The following PALLD variants were observed in gnomAD, a reference collection of about 807,000 sequenced individuals.
The protein encoded by PALLD is palladin.
A neutral mutation model predicts 123.5 loss-of-function variants in PALLD; 61 were observed. The ratio of observed to expected loss-of-function variants is 0.49; its 90% CI spans 0.40 to 0.61. PALLD has a LOEUF of 0.61. Ranked by LOEUF, PALLD falls within the 20% of genes least tolerant of loss-of-function variation. PALLD has a pLI of 0.00. For synonymous variants in PALLD, 465 were observed against 496.4 expected, an observed-to-expected ratio of 0.94 and a Z score of 0.84; for missense variants, 1,273 against 1,377.0, an observed-to-expected ratio of 0.92 and a Z score of 1.20.
chr4:168,652,103 G>A (rs562048187), intron 2 of PALLD, among the ~76,000 whole-genome samples: 210 of 152,168 alleles, frequency 1.4e-3, no homozygotes, highest in Non-Finnish European at 2.0e-3. Context: ...GTCACATACC[G>A]CGTGACCATG....
rs1561413781 is a variant in PALLD at position 168,698,167 on chromosome 4, C to G, written c.1501+6875C>G. On this transcript the variant is annotated intron_variant, in intron 8 of 21. Transcript: ENST00000505667. ...TTACTTATTTGTGTGATCTAAAAAT[C>G]GAAACAGTAGAAGGATGGCTACCAG... Among the ~76,000 whole-genome samples the G allele has an allele frequency of 3.9e-5, 6 of 152,138 alleles. No homozygotes were observed. The South Asian group carries it at 1.2e-3, about 32-fold the overall frequency.
intron 19 of PALLD, 75 bp from the exon 20 acceptor site, chr4:168,924,870 A>G: frequency 6.9e-7 from 1 of 1,441,112 alleles, no homozygotes; most frequent in Non-Finnish European, 9.8e-7. Flanking sequence ...TAATGATCTA[A>G]TTAAAAATGA....
Position 168,816,037 on chromosome 4 carries a change from T to C in PALLD, c.1965-74885T>C, listed in dbSNP as rs72988951. 2.9e-3 allele frequency among the ~76,000 whole-genome samples: 449 copies of C among 152,326 alleles called. 1 individual carries two copies. Among genetic ancestry groups the C allele is most frequent in the African/African-American group, 0.01 (427 of 41,568 alleles). On this transcript the variant is annotated intron_variant, in intron 10 of 21. Coordinates refer to ENST00000505667, the MANE Select transcript of PALLD (RefSeq NM_001166108.2). ...CCCTTTGGAGTGTGGATGATGTGTTTATTTGACATAATGAATACCACCATC... is the reference window on the plus strand; with the variant it reads ...CCCTTTGGAGTGTGGATGATGTGTTCATTTGACATAATGAATACCACCATC...
intron 2 of PALLD, among the ~76,000 whole-genome samples, chr4:168,540,242 C>G (rs867644612): frequency 1.3e-5 from 2 of 152,190 alleles, no homozygotes; most frequent in East Asian, 3.8e-4. Flanking sequence ...CGACTACTAT[C>G]AGATTCCATC....
chr4:168,904,830 T>C (rs1757286504), intron 15 of PALLD, among the ~76,000 whole-genome samples: 1 of 152,122 alleles, frequency 6.6e-6, no homozygotes, highest in Admixed American at 6.5e-5. Flanking sequence ...TACAAACTTT[T>C]AATTAAAGTT....
intron 4 of PALLD, 109 bp from the exon 5 acceptor site, chr4:168,682,889 C>A: frequency 1.5e-6 from 1 of 682,242 alleles, no homozygotes. Flanking sequence ...AAAAAGAAAC[C>A]CAGCTTTTCT....
At chr4:168,539,548 A>G (rs1765406220) in intron 2 of PALLD, among the ~76,000 whole-genome samples, 1 of 151,570 alleles carries the variant, frequency 6.6e-6, no homozygotes, top group African/African-American at 2.4e-5. Flanking sequence ...AGATGGCGCC[A>G]CTGACTGTCT....
intron 10 of PALLD, among the ~76,000 whole-genome samples, chr4:168,753,457 C>T (rs1286242546): frequency 6.6e-6 from 1 of 151,492 alleles, no homozygotes; most frequent in Non-Finnish European, 1.5e-5. Flanking sequence ...TGAACCCATA[C>T]CAACTCCGCC....
chr4:168,577,599 G>A (rs867937631), intron 2 of PALLD, among the ~76,000 whole-genome samples: 11 of 152,110 alleles, frequency 7.2e-5, no homozygotes, highest in Middle Eastern at 3.2e-3. Flanking sequence ...CTAAGAGATT[G>A]TTTGTTATGC....
chr4:168,852,198 G>T (rs918960364), intron 10 of PALLD, among the ~76,000 whole-genome samples: 2 of 152,146 alleles, frequency 1.3e-5, no homozygotes, highest in African/African-American at 4.8e-5. Context: ...AAACTAGATA[G>T]CAAAGAAATA....
intron 10 of PALLD, among the ~76,000 whole-genome samples, chr4:168,859,448 A>T (rs926671569): frequency 6.6e-6 from 1 of 152,242 alleles, no homozygotes; most frequent in Non-Finnish European, 1.5e-5. Flanking sequence ...AGACATGCTG[A>T]CCATGTGTGG....
intron 10 of PALLD, among the ~76,000 whole-genome samples, chr4:168,868,887 G>T (rs923328936): frequency 1.3e-5 from 2 of 152,174 alleles, no homozygotes; most frequent in African/African-American, 4.8e-5. Flanking sequence ...GATGACTGAA[G>T]TTCTCACCAA....
intron 2 of PALLD, among the ~76,000 whole-genome samples, chr4:168,525,434 C>T (rs1471960457): frequency 6.6e-6 from 1 of 152,106 alleles, no homozygotes; most frequent in East Asian, 1.9e-4. Flanking sequence ...CATCAGGGGG[C>T]CACATGGTAT....
rs1781710220 is a variant in PALLD, at chr4:168,683,072, T to G, written c.1229T>G (p.Val410Gly). 1 of 1,611,492 alleles carries G rather than the reference T, an allele frequency of 6.2e-7. No homozygotes were observed. ...SSPKTGVTTA[V>G]IQPLSVPVQQ... ...CCAAAGACAGGGGTGACCACAGCTGTGATTCAACCACTGTCTGTCCCTGTG... is the reference window on the plus strand; with the variant it reads ...CCAAAGACAGGGGTGACCACAGCTGGGATTCAACCACTGTCTGTCCCTGTG... The change falls in exon 5 of 22, where the codon GTG becomes GGG. Residue 410 changes from valine to glycine, a missense_variant. Physicochemically the swap from Val to Gly is moderately radical, Grantham distance 109 (BLOSUM62 -3). Coordinates refer to ENST00000505667, the MANE Select transcript of PALLD (RefSeq NM_001166108.2).
At position 168,544,784 on chromosome 4, in the gene PALLD, C is replaced by T. The variant is rs147914648; in HGVS notation, c.908+32372C>T. ...TTTGCAAGTAATCTCATGAGCTAGC[C>T]CACCCTAACAGAAAGGGACCATTTT... On this transcript the variant is annotated intron_variant, in intron 2 of 21. Transcript: ENST00000505667. Among the ~76,000 whole-genome samples, 9 of 152,184 alleles carry T rather than the reference C, an allele frequency of 5.9e-5. No homozygotes were observed. The East Asian group carries it at 1.7e-3, about 29-fold the overall frequency.
At position 168,511,544 on chromosome 4, in the gene PALLD, C is replaced by T; in HGVS notation, c.40C>T (p.Leu14Phe). 6.2e-7 allele frequency: 1 copy of T among 1,614,034 alleles called. No homozygotes were observed. The highest frequency in any genetic ancestry group is 1.1e-5 in the South Asian group (1 of 91,066). Residue 14 changes from leucine (L) to phenylalanine (F), a missense_variant, in exon 2 of 22, where the codon CTC (leucine) becomes TTC (phenylalanine). Coordinates refer to ENST00000505667, the MANE Select transcript of PALLD (RefSeq NM_001166108.2). ...CTCCCATGAGTCCTTCTATGACTCC[C>T]TCTCAGACATGCAGGAAGAAAGCAA... ...TSSHESFYDS[L>F]SDMQEESKNT...
chr4:168,791,620 T>C (rs1737536603), intron 10 of PALLD, among the ~76,000 whole-genome samples: 2 of 152,176 alleles, frequency 1.3e-5, no homozygotes. Flanking sequence ...GTCTCTCCCT[T>C]GACACGTAAG....
rs142050060 is a variant in PALLD at position 168,866,495 on chromosome 4, T to G, written c.1965-24427T>G. Reference sequence around the variant, plus strand: ...TCTTGATTTTTCTCAGAAATTTGAATTAATACTATACTTGGAAAATGTGAA... The same window carrying G: ...TCTTGATTTTTCTCAGAAATTTGAAGTAATACTATACTTGGAAAATGTGAA... On this transcript the variant is annotated intron_variant, in intron 10 of 21. Transcript: ENST00000505667. Among the ~76,000 whole-genome samples the G allele has an allele frequency of 4.8e-3, 729 of 152,342 alleles. 6 individuals carry two copies. Among genetic ancestry groups the G allele is most frequent in the Admixed American group, 5.4e-3 (83 of 15,304 alleles).
chr4:168,635,606 A>C (rs1299584394), intron 2 of PALLD, among the ~76,000 whole-genome samples: 1 of 152,212 alleles, frequency 6.6e-6, no homozygotes, highest in East Asian at 1.9e-4. Context: ...CCAACTTGCA[A>C]TTCGGTGTTA....
Sources: allele counts gnomAD v4.1 joint callset (sites outside exome capture counted in the v4.1 genomes callset), GRCh38; gene constraint gnomAD v4.1.1; transcripts MANE v1.5; gene names NCBI Gene and HGNC (gene_info 2026-07-23, HGNC 2026-07-21).